Variants in SH3RF2 observed in about 807,000 individuals in gnomAD.
SH3RF2 encodes E3 ubiquitin-protein ligase SH3RF2.
SH3RF2 carries 43 observed loss-of-function variants against 59.0 expected under a neutral mutation model. The observed-to-expected ratio is 0.73, with a 90% CI of 0.57 to 0.94. The LOEUF is 0.94. Ranked by LOEUF, SH3RF2 falls within the 40% of genes least tolerant of loss-of-function variation. The pLI is 0.00. For synonymous variants in SH3RF2, 391 were observed against 391.5 expected (o/e 1.00, Z 0.01); for missense variants, 930 against 940.1 (o/e 0.99, Z 0.14).
chr5:145,997,387 A>G (rs1760209219), intron 2 of SH3RF2: 1 of 1,225,320 alleles, frequency 8.2e-7, no homozygotes, highest in South Asian at 1.2e-5. Context: ...GGTCATTTAT[A>G]AATGGGCTTT....
chr5:146,032,772 T>C (rs886498948), intron 5 of SH3RF2, among the ~76,000 whole-genome samples: 1 of 152,198 alleles, frequency 6.6e-6, no homozygotes, highest in African/African-American at 2.4e-5. Context: ...GACTGGGAAA[T>C]CTCTTCTCAG....
chr5:146,081,290 C>CT (rs1763421939), exon 10 of SH3RF2: 2 of 151,666 alleles, frequency 1.3e-5, no homozygotes, highest in Non-Finnish European at 2.9e-5. Context: ...TTTTCAAGTC[C>CT]TCTTTTCCTG....
downstream of SH3RF2, among the ~76,000 whole-genome samples, chr5:146,064,459 T>C (rs531700415): frequency 6.6e-6 from 1 of 151,606 alleles, no homozygotes; most frequent in African/African-American, 2.4e-5. Flanking sequence ...TAAACTTAAT[T>C]GTTGTGATTT....
Position 146,062,640 on chromosome 5 carries a change from G to C in SH3RF2, c.2129G>C (p.Gly710Ala), listed in dbSNP as rs1056149. 1,004,145 of 1,613,944 alleles carry C rather than the reference G, an allele frequency of 0.62. 315,587 individuals carry two copies. The highest frequency in any genetic ancestry group is 0.8 in the Middle Eastern group (4,839 of 6,062). ...GACCTCCGGAGAAAGTCAGCTCTTG[G>C]CAAGGCCACAACCCTGGTGTCCACT... ...QTDLRRKSAL[G>A]KATTLVSTAS... Residue 710 changes from glycine (G) to alanine (A), a missense_variant, in exon 10 of 10, where the codon GGC becomes GCC. Transcript: ENST00000359120.
chr5:146,050,491 TA>T (rs1166491875), intron 7 of SH3RF2, among the ~76,000 whole-genome samples: 20 of 152,226 alleles, frequency 1.3e-4, no homozygotes, highest in Non-Finnish European at 2.8e-4. Context: ...AAAGTCAGGA[TA>T]AAAGATCATA....
intron 2 of SH3RF2, among the ~76,000 whole-genome samples, chr5:145,986,410 A>T (rs990346809): frequency 2.0e-5 from 3 of 151,948 alleles, no homozygotes; most frequent in Admixed American, 6.6e-5. Context: ...ATGGAAAAAG[A>T]CTCACCCACC....
chr5:146,042,664 C>T (rs1423590777), intron 5 of SH3RF2, among the ~76,000 whole-genome samples: 3 of 152,212 alleles, frequency 2.0e-5, no homozygotes, highest in African/African-American at 7.2e-5. Flanking sequence ...CAGGGCAGAG[C>T]ATTGCCAGCA....
intron 2 of SH3RF2, among the ~76,000 whole-genome samples, chr5:145,944,081 T>C (rs190107937): frequency 6.6e-6 from 1 of 152,184 alleles, no homozygotes; most frequent in Non-Finnish European, 1.5e-5. Context: ...AGCTCAGATA[T>C]AGGTTGTGCA....
At chr5:146,071,955 C>G (rs1209661040) in intron 9 of SH3RF2, among the ~76,000 whole-genome samples, 1 of 152,148 alleles carries the variant, frequency 6.6e-6, no homozygotes, top group Admixed American at 6.5e-5. Flanking sequence ...CAATTCAAAA[C>G]AGAGTACAAT....
chr5:146,057,424 C>T lies in SH3RF2; in HGVS notation c.1555+1211C>T, dbSNP rs78572674. 8.7e-3 allele frequency among the ~76,000 whole-genome samples: 1,327 copies of T among 152,324 alleles called. 24 individuals carry two copies. The highest frequency in any genetic ancestry group is 0.03 in the African/African-American group (1,263 of 41,556). On this transcript the variant is annotated intron_variant, in intron 8 of 9. Transcript: ENST00000359120. Reference sequence around the variant, plus strand: ...GCCTTGGGAAAATGACTAATTTCTTCTGCCTTCAGTTCACTCTTCTGTAAA... The same window carrying T: ...GCCTTGGGAAAATGACTAATTTCTTTTGCCTTCAGTTCACTCTTCTGTAAA...
chr5:145,967,134 A>T (rs894765244), intron 2 of SH3RF2, among the ~76,000 whole-genome samples: 4 of 152,210 alleles, frequency 2.6e-5, no homozygotes, highest in Admixed American at 2.0e-4. Context: ...TCCTATTGAA[A>T]CAATGATATT....
At chr5:146,025,491 G>A (rs553709222) in intron 5 of SH3RF2, among the ~76,000 whole-genome samples, 2 of 152,234 alleles carry the variant, frequency 1.3e-5, no homozygotes, top group Non-Finnish European at 2.9e-5. Flanking sequence ...GCCCAAGTTT[G>A]TTCAGCTTGG....
chr5:146,022,057 T>C (rs1277724423), intron 5 of SH3RF2, among the ~76,000 whole-genome samples: 2 of 152,182 alleles, frequency 1.3e-5, no homozygotes, highest in Admixed American at 1.3e-4. Flanking sequence ...TTTGGACTTT[T>C]TATAAAAGAA....
At chr5:145,974,446 A>G (rs116127851) in intron 2 of SH3RF2, among the ~76,000 whole-genome samples, 3 of 152,146 alleles carry the variant, frequency 2.0e-5, no homozygotes, top group Non-Finnish European at 2.9e-5. Flanking sequence ...TGTTCCAAAG[A>G]TGGATAGGAA....
At chr5:145,966,433 T>A (rs1758858783) in intron 2 of SH3RF2, among the ~76,000 whole-genome samples, 1 of 152,220 alleles carries the variant, frequency 6.6e-6, no homozygotes, top group Non-Finnish European at 1.5e-5. Context: ...AATTAGTTTG[T>A]TACAATGCTT....
chr5:145,970,630 C>T (rs1759043579), intron 2 of SH3RF2, among the ~76,000 whole-genome samples: 1 of 152,164 alleles, frequency 6.6e-6, no homozygotes, highest in African/African-American at 2.4e-5. Context: ...AGGCCCTTAA[C>T]ATTGTATTTC....
intron 5 of SH3RF2, 53 bp downstream of exon 5, chr5:146,014,114 A>G: frequency 6.3e-7 from 1 of 1,578,202 alleles, no homozygotes; most frequent in African/African-American, 1.4e-5. Context: ...CAAGTGATTC[A>G]TACCATGTCA....
chr5:146,004,286 T>C, intron 4 of SH3RF2, 133 bp downstream of exon 4: 2 of 573,618 alleles, frequency 3.5e-6, no homozygotes, highest in South Asian at 3.1e-5. Flanking sequence ...AAAGAAAAGA[T>C]GCCAGACAAT....
chr5:146,031,739 T>C (rs1761750686), intron 5 of SH3RF2, among the ~76,000 whole-genome samples: 1 of 152,302 alleles, frequency 6.6e-6, no homozygotes. Flanking sequence ...TGTGTGTCCA[T>C]GCTTTAGTGC....
Sources: allele counts gnomAD v4.1 joint callset (sites outside exome capture counted in the v4.1 genomes callset), GRCh38; gene constraint gnomAD v4.1.1; transcripts MANE v1.5; gene names NCBI Gene and HGNC (gene_info 2026-07-23, HGNC 2026-07-21).